The following PABPC4L variants were observed in gnomAD, a reference collection of about 807,000 sequenced individuals.
PABPC4L encodes poly(A) binding protein cytoplasmic 4 like, also known as polyadenylate-binding protein 4-like.
For missense variants in PABPC4L, 452 were observed against 451.4 expected, an observed-to-expected ratio of 1.00 and a Z score of -0.01; for synonymous variants, 169 against 164.1, an observed-to-expected ratio of 1.03 and a Z score of -0.23.
At chr4:134,078,905 T>C in the PABPC4L span, among the ~76,000 whole-genome samples, 65 of 150,234 alleles carry the variant, frequency 4.3e-4, no homozygotes, top group African/African-American at 1.6e-3. Context: ...GGACCTCAGG[T>C]GATCTGCCTG....
the PABPC4L span, among the ~76,000 whole-genome samples, chr4:134,120,222 GCCCTAA>G: frequency 6.7e-6 from 1 of 148,272 alleles, no homozygotes; most frequent in Non-Finnish European, 1.5e-5. Flanking sequence ...CTAGCTCCAA[GCCCTAA>G]CCAGCACTTG....
the PABPC4L span, among the ~76,000 whole-genome samples, chr4:134,106,242 C>T: frequency 6.6e-6 from 1 of 151,548 alleles, no homozygotes; most frequent in East Asian, 1.9e-4. Context: ...CTGGTGCTTT[C>T]CCAATTGCCT....
the PABPC4L span, among the ~76,000 whole-genome samples, chr4:133,999,478 A>G: frequency 6.6e-6 from 1 of 152,124 alleles, no homozygotes. Context: ...TTTTGCAAAC[A>G]TATCAATGAC....
chr4:134,013,406 C>T, the PABPC4L span, among the ~76,000 whole-genome samples: 8 of 152,120 alleles, frequency 5.3e-5, no homozygotes, highest in African/African-American at 1.7e-4. Flanking sequence ...TTGCCTCCTT[C>T]GCTATGGGCA....
chr4:134,110,890 A>G, the PABPC4L span, among the ~76,000 whole-genome samples: 2 of 151,980 alleles, frequency 1.3e-5, no homozygotes, highest in African/African-American at 4.8e-5. Flanking sequence ...AGTTGGTTGA[A>G]CCCACAAATG....
the PABPC4L span, among the ~76,000 whole-genome samples, chr4:134,015,538 C>G: frequency 6.6e-6 from 1 of 152,148 alleles, no homozygotes; most frequent in Non-Finnish European, 1.5e-5. Context: ...TGCAAGGCTT[C>G]ACAGACAGCC....
chr4:133,973,045 A>G, the PABPC4L span, among the ~76,000 whole-genome samples: 1 of 152,184 alleles, frequency 6.6e-6, no homozygotes, highest in South Asian at 2.1e-4. Context: ...GAAATTGTTA[A>G]TAGATAGAAT....
chr4:134,126,220 T>C, the PABPC4L span, among the ~76,000 whole-genome samples: 1 of 152,080 alleles, frequency 6.6e-6, no homozygotes, highest in Non-Finnish European at 1.5e-5. Flanking sequence ...CTGAATTAGA[T>C]GTGCCCCTGG....
the PABPC4L span, among the ~76,000 whole-genome samples, chr4:134,064,619 G>T: frequency 6.6e-6 from 1 of 151,934 alleles, no homozygotes; most frequent in Non-Finnish European, 1.5e-5. Flanking sequence ...TTTTATTTAG[G>T]TTCAGCATAC....
the PABPC4L span, among the ~76,000 whole-genome samples, chr4:134,001,635 T>C: frequency 6.6e-6 from 1 of 152,116 alleles, no homozygotes; most frequent in African/African-American, 2.4e-5. Context: ...TTTCTATTAA[T>C]ATAGGGAAAT....
chr4:134,108,952 C>T, the PABPC4L span, among the ~76,000 whole-genome samples: 2 of 151,942 alleles, frequency 1.3e-5, no homozygotes, highest in East Asian at 3.9e-4. Context: ...GAACTTTACC[C>T]CATGGACATT....
chr4:134,013,133 T>C, the PABPC4L span, among the ~76,000 whole-genome samples: 2 of 151,914 alleles, frequency 1.3e-5, no homozygotes, highest in Admixed American at 6.6e-5. Flanking sequence ...TCTGTGTCTC[T>C]ACCCCTTCTC....
the PABPC4L span, among the ~76,000 whole-genome samples, chr4:134,036,677 C>G: frequency 6.6e-6 from 1 of 152,154 alleles, no homozygotes; most frequent in East Asian, 1.9e-4. Flanking sequence ...TATGGCAACT[C>G]TATTCTGTTA....
At chr4:133,978,160 A>C in the PABPC4L span, 1 of 152,230 alleles carries the variant, frequency 6.6e-6, no homozygotes, top group Non-Finnish European at 1.5e-5. Context: ...GAAAGCAACA[A>C]GTATGTTACA....
At chr4:134,009,013 G>C in the PABPC4L span, among the ~76,000 whole-genome samples, 2 of 151,874 alleles carry the variant, frequency 1.3e-5, no homozygotes, top group East Asian at 3.9e-4. Context: ...TTTTAAAAAT[G>C]TTATCAGAAA....
At chr4:134,022,246 G>T in the PABPC4L span, among the ~76,000 whole-genome samples, 1 of 152,078 alleles carries the variant, frequency 6.6e-6, no homozygotes, top group African/African-American at 2.4e-5. Context: ...CAGTATCCAA[G>T]TTCTTAATAA....
the PABPC4L span, among the ~76,000 whole-genome samples, chr4:134,128,336 A>G: frequency 6.6e-6 from 1 of 152,188 alleles, no homozygotes; most frequent in African/African-American, 2.4e-5. Flanking sequence ...CATGGCAAAA[A>G]GATCATTGCC....
the PABPC4L span, among the ~76,000 whole-genome samples, chr4:134,080,560 A>G: frequency 6.6e-6 from 1 of 152,148 alleles, no homozygotes; most frequent in African/African-American, 2.4e-5. Flanking sequence ...TTAATTCTCT[A>G]ACTTCAGAGT....
the PABPC4L span, among the ~76,000 whole-genome samples, chr4:133,964,075 G>A: frequency 1.3e-5 from 2 of 152,024 alleles, no homozygotes; most frequent in Non-Finnish European, 2.9e-5. Flanking sequence ...TAGACCATTA[G>A]CAAGATTAAC....
Sources: gnomAD v4.1 joint callset for allele counts (sites outside exome capture counted in the v4.1 genomes callset) on GRCh38, gnomAD v4.1.1 for gene constraint, MANE v1.5 for transcripts, NCBI Gene and HGNC (gene_info 2026-07-23, HGNC 2026-07-21) for gene names.